Variants in PPP6R1 observed in about 807,000 individuals in gnomAD.
PPP6R1 encodes the protein serine/threonine-protein phosphatase 6 regulatory subunit 1.
In PPP6R1, 39 loss-of-function variants were observed where a neutral mutation model predicts 104.6. The observed-to-expected ratio is 0.37, with a 90% CI of 0.29 to 0.49. The LOEUF is 0.49. Among genes scored for constraint, PPP6R1 ranks in the 20% least tolerant of loss-of-function variants. The probability of loss-of-function intolerance (pLI) is 0.98; values close to 1 mark genes in which losing one functional copy is unlikely to be tolerated. For missense variants in PPP6R1, 1,181 were observed against 1,155.8 expected (o/e 1.02, Z -0.32); for synonymous variants, 549 against 479.0 (o/e 1.15, Z -1.91).
At chr19:55,240,328 G>A (rs745363900) in intron 10 of PPP6R1, 28 bp from the exon 11 acceptor site, 3 of 1,570,792 alleles carry the variant, frequency 1.9e-6, no homozygotes, top group Admixed American at 3.7e-5. Flanking sequence ...AGGATGGCCT[G>A]GAGGGGTGGT....
intron 5 of PPP6R1, among the ~76,000 whole-genome samples, chr19:55,244,229 T>G (rs542916156): frequency 6.6e-6 from 1 of 152,296 alleles, no homozygotes; most frequent in South Asian, 2.1e-4. Flanking sequence ...TGTAAGCCTG[T>G]GCGCCTCTGA....
At position 55,231,652 on chromosome 19, in the gene PPP6R1, G is replaced by C. The variant is rs748001776; in HGVS notation, c.2323C>G (p.Pro775Ala). 3.1e-6 allele frequency: 5 copies of C among 1,609,888 alleles called. No homozygotes were observed. The highest frequency in any genetic ancestry group is 2.7e-5 in the African/African-American group (2 of 74,974). ...GTGGCTTCCTGAGGTGCTGAGGGGG[G>C]TGTGGGGTCCTGAGACCTGGTAGGC... is the stretch of plus-strand genomic sequence containing the variant. ...ALQLRSQDPT[P>A]PSAPQEATEG... Residue 775 changes from proline to alanine, a missense_variant, in exon 20 of 24, where the codon CCC (proline) becomes GCC (alanine). Pro to Ala is a conservative substitution (Grantham distance 27). Coordinates refer to ENST00000412770, the MANE Select transcript of PPP6R1 (RefSeq NM_014931.4).
chr19:55,240,658 T>C (rs2087447179), intron 10 of PPP6R1, among the ~76,000 whole-genome samples: 2 of 150,174 alleles, frequency 1.3e-5, no homozygotes, highest in African/African-American at 2.5e-5. Context: ...CACTGACACA[T>C]GCTCACACAC....
chr19:55,236,949 G>T lies in PPP6R1; in HGVS notation c.1773C>A (p.Ala591=), dbSNP rs749693403. Residue 591 remains alanine (A), a synonymous_variant, in exon 16 of 24, where the codon GCC becomes GCA. Coordinates refer to ENST00000412770, the MANE Select transcript of PPP6R1 (RefSeq NM_014931.4). ...ESVNAPFDKT[A]NITFSLNADD... The stretch of plus-strand genomic sequence containing the variant: ...CAGCATTGAGGGAGAAGGTGATGTT[G>T]GCTGTCTTGTCAAAAGGTGCGCTAG... 8.7e-6 allele frequency: 14 copies of T among 1,613,030 alleles called. No individual in the cohort carries two copies. Among genetic ancestry groups the T allele is most frequent in the Non-Finnish European group, 1.2e-5 (14 of 1,179,136 alleles).
chr19:55,232,079 A>G lies in PPP6R1; in HGVS notation c.2121T>C (p.Pro707=), dbSNP rs757719656. 6.2e-7 allele frequency: 1 copy of G among 1,611,518 alleles called. No individual in the cohort carries two copies. Among genetic ancestry groups the G allele is most frequent in the East Asian group, 2.2e-5 (1 of 44,830 alleles). The change falls in exon 18 of 24, where the codon CCT becomes CCC. Residue 707 remains proline, a synonymous_variant. Coordinates refer to ENST00000412770, the MANE Select transcript of PPP6R1 (RefSeq NM_014931.4). The stretch of plus-strand genomic sequence containing the variant: ...CCACACCGCCCATTCATTCACCTGG[A>G]GGCTGAGGGCCAGGGCTGGGGTAGG... ...PLSYPSPGPQ[P]PGPSWTATFD...
chr19:55,228,866 C>T (rs2087311558), downstream of PPP6R1: 5 of 985,080 alleles, frequency 5.1e-6, no homozygotes, highest in Admixed American at 1.1e-4. Context: ...GATAACAGGG[C>T]CCAGGGAGAT....
chr19:55,239,363 A>C (rs370713432), intron 15 of PPP6R1, 42 bp downstream of exon 15: 1 of 1,566,798 alleles, frequency 6.4e-7, no homozygotes, highest in Admixed American at 1.7e-5. Context: ...CTGCTGCTGC[A>C]GAGGCAGGAC....
At chr19:55,228,563 A>G (rs2087307992), downstream of PPP6R1, 1 of 1,519,664 alleles carries the variant, frequency 6.6e-7, no homozygotes, top group Admixed American at 2.0e-5. Context: ...CCATTCAGGG[A>G]CCAGGCTGCC....
intron 1 of PPP6R1, among the ~76,000 whole-genome samples, chr19:55,258,086 A>G (rs4283339): frequency 0.58 from 88,220 of 152,090 alleles, 26,352 homozygotes; most frequent in African/African-American, 0.71. Flanking sequence ...GTAACCAGGG[A>G]GAAAGACTCC....
At chr19:55,235,840 C>CTTTT (rs1196377498) in intron 17 of PPP6R1, among the ~76,000 whole-genome samples, 4 of 113,062 alleles carry the variant, frequency 3.5e-5, no homozygotes, top group Non-Finnish European at 5.6e-5. Context: ...TTTGTTGATT[C>CTTTT]TTTTTTTTTT....
rs1411507870 is a variant in PPP6R1 at position 55,240,112 on chromosome 19, C to T, written c.1364G>A (p.Cys455Tyr). 6.3e-7 allele frequency: 1 copy of T among 1,579,626 alleles called. No individual in the cohort carries two copies. Among genetic ancestry groups the T allele is most frequent in the Non-Finnish European group, 8.6e-7 (1 of 1,163,384 alleles). ...TSWEENDRVQ[C>Y]AGGPRKGYMG... is the part of the protein sequence containing the mutation. ...GTAGCCTTTCCGAGGGCCTCCCGCACACCTGGCAAGAGTGAAGGCCGCGGC... is the reference window on the plus strand; with the variant it reads ...GTAGCCTTTCCGAGGGCCTCCCGCATACCTGGCAAGAGTGAAGGCCGCGGC... The change falls in exon 12 of 24, where the codon TGT becomes TAT. Residue 455 changes from cysteine (C) to tyrosine (Y), a missense_variant and splice_region_variant. Physicochemically the swap from Cys to Tyr is radical, Grantham distance 194. This residue lies in a region of PPP6R1 where 1,042 missense variants were observed against 955.6 expected (regional missense o/e 1.09). Transcript: ENST00000412770.
In PPP6R1 at chr19:55,236,828, G is replaced by T. The variant is rs1375137149; in HGVS notation, c.1810-7C>A. The T allele has an allele frequency of 1.9e-6, 3 of 1,613,846 alleles. No individual in the cohort carries two copies. Among genetic ancestry groups the T allele is most frequent in the East Asian group, 4.5e-5 (2 of 44,874 alleles). ...CAAGTAGGTTGGCGTTGGGCTGCAGGGCACAGGGGTGGGAGGATGGGCCAC... is the reference window on the plus strand; with the variant it reads ...CAAGTAGGTTGGCGTTGGGCTGCAGTGCACAGGGGTGGGAGGATGGGCCAC... On this transcript the variant is annotated splice_region_variant and splice_polypyrimidine_tract_variant and intron_variant, in intron 16 of 23. Transcript: ENST00000412770.
At chr19:55,235,926 C>T (rs1281579724) in intron 17 of PPP6R1, among the ~76,000 whole-genome samples, 2 of 150,478 alleles carry the variant, frequency 1.3e-5, no homozygotes, top group East Asian at 1.9e-4. Flanking sequence ...GCAACCTCCG[C>T]CCCCCAGGGT....
At chr19:55,232,376 G>A (rs981172824) in intron 17 of PPP6R1, 165 bp from the exon 18 acceptor site, 1 of 1,087,940 alleles carries the variant, frequency 9.2e-7, no homozygotes, top group Non-Finnish European at 1.3e-6. Flanking sequence ...GGAGAGGCTG[G>A]GAGAGGGAGT....
chr19:55,239,382 G>A (rs568197491), intron 15 of PPP6R1, 23 bp downstream of exon 15: 3 of 1,597,472 alleles, frequency 1.9e-6, no homozygotes, highest in South Asian at 1.1e-5. Flanking sequence ...ACAGGGCTGT[G>A]ACCCTGCGCA....
intron 1 of PPP6R1, among the ~76,000 whole-genome samples, chr19:55,253,946 C>A (rs987025238): frequency 6.6e-6 from 1 of 152,184 alleles, no homozygotes; most frequent in Non-Finnish European, 1.5e-5. Flanking sequence ...TGTGAAAAGG[C>A]ATTGAGCTAA....
At chr19:55,236,516 T>C (rs2087399745) in intron 17 of PPP6R1, 127 bp downstream of exon 17, 1 of 1,090,968 alleles carries the variant, frequency 9.2e-7, no homozygotes, top group Admixed American at 3.2e-5. Context: ...CCCCAACTAA[T>C]ACACACACCA....
Position 55,230,298 on chromosome 19 carries a change from CTCTG to C in PPP6R1, c.*226_*229del. On this transcript the variant is annotated 3_prime_UTR_variant, in exon 24 of 24. Coordinates refer to ENST00000412770, the MANE Select transcript of PPP6R1 (RefSeq NM_014931.4). ...CTCTCTCCATTCTCTCTATTTGACT[CTCTG>C]TATCTTTATTCTAGGAGGCAACGCT... 1 of 600,580 alleles carries C rather than the reference CTCTG, an allele frequency of 1.7e-6. No homozygotes were observed. Among genetic ancestry groups the C allele is most frequent in the African/African-American group, 1.9e-5 (1 of 53,976 alleles). 37.2% of individuals were successfully genotyped at this position (600,580 alleles called of 1,614,324 possible).
intron 1 of PPP6R1, among the ~76,000 whole-genome samples, chr19:55,250,875 A>G (rs535392470): frequency 7.3e-5 from 11 of 151,104 alleles, no homozygotes; most frequent in Non-Finnish European, 1.0e-4. Context: ...CCCTCTCCCC[A>G]CAGCCATGCA....
Sources: gnomAD v4.1 joint callset for allele counts (sites outside exome capture counted in the v4.1 genomes callset) on GRCh38, gnomAD v4.1.1 for gene constraint, gnomAD v4.1.1 regional missense constraint, MANE v1.5 for transcripts, NCBI Gene and HGNC (gene_info 2026-07-23, HGNC 2026-07-21) for gene names.